KDM6A: variants seen among roughly 807,000 people sequenced by gnomAD.
KDM6A encodes the protein lysine-specific demethylase 6A.
Under a neutral mutation model 117.6 loss-of-function variants are expected in KDM6A, and 11 were observed. The ratio of observed to expected loss-of-function variants is 0.09; its 90% CI spans 0.06 to 0.15. KDM6A has a LOEUF of 0.15. Among genes scored for constraint, KDM6A ranks in the 10% least tolerant of loss-of-function variants. The pLI, the probability that KDM6A is intolerant of heterozygous loss-of-function variation, is 1.00. For synonymous variants in KDM6A, 384 were observed against 396.1 expected, an observed-to-expected ratio of 0.97 and a Z score of 0.36; for missense variants, 799 against 1,077.3, an observed-to-expected ratio of 0.74 and a Z score of 3.62.
At chrX:44,959,695 C>T (rs2038564037) in intron 2 of KDM6A, among the ~76,000 whole-genome samples, 1 of 111,216 alleles carries the variant, frequency 9.0e-6, no homozygotes, top group South Asian at 3.7e-4. Flanking sequence ...TATTATAAAG[C>T]ACTGTAATAA....
chrX:45,034,164 T>TA (rs2042717046), intron 6 of KDM6A, among the ~76,000 whole-genome samples: 1 of 111,680 alleles, frequency 9.0e-6, no homozygotes, highest in South Asian at 3.7e-4. Flanking sequence ...TTACTTATCT[T>TA]AATTTATATA....
chrX:44,996,767 AAG>A (rs759205727), intron 4 of KDM6A, among the ~76,000 whole-genome samples: 10 of 111,755 alleles, frequency 8.9e-5, no homozygotes, highest in Non-Finnish European at 1.7e-4. Context: ...ACTCAGCGGC[AAG>A]ACTTTCCTAA....
chrX:44,887,263 T>G (rs949726316), intron 2 of KDM6A, among the ~76,000 whole-genome samples: 1 of 111,392 alleles, frequency 9.0e-6, no homozygotes, highest in Admixed American at 9.7e-5. Context: ...AATTTGGTGA[T>G]AGAGCTAGGA....
intron 4 of KDM6A, among the ~76,000 whole-genome samples, chrX:44,983,323 C>G (rs140198247): frequency 1.8e-5 from 2 of 111,868 alleles, no homozygotes; most frequent in African/African-American, 6.5e-5. Flanking sequence ...TTCAGTTATA[C>G]AGTTTAGGCT....
chrX:45,057,399 T>C (rs1030510627), intron 10 of KDM6A, among the ~76,000 whole-genome samples: 44 of 111,512 alleles, frequency 3.9e-4, no homozygotes, highest in Non-Finnish European at 5.3e-4. Flanking sequence ...ATCTAATCAA[T>C]TAATCACAAA....
At chrX:44,940,265 G>T (rs1427595017) in intron 2 of KDM6A, among the ~76,000 whole-genome samples, 2 of 110,803 alleles carry the variant, frequency 1.8e-5, no homozygotes, top group Non-Finnish European at 3.8e-5. Context: ...TGTTGGCCAG[G>T]CTGGTCTTGA....
rs764419475 is a variant in KDM6A at position 45,062,634 on chromosome X, GTTC to G, written c.1582-5_1582-3del. ...ATATCTTTGACTATATTCTCTTTTT[GTTC>G]TTCTTCTAGCATTTGGAACAGCTCC... On this transcript the variant is annotated splice_polypyrimidine_tract_variant and intron_variant, in intron 15 of 29. Transcript: ENST00000611820. 8.8e-7 allele frequency: 1 copy of G among 1,135,719 alleles called. No individual in the cohort carries two copies. The highest frequency in any genetic ancestry group is 2.2e-5 in the Admixed American group (1 of 45,448). The allele number at this position is 1,135,719 out of a possible 1,213,427, so 93.6% of individuals were successfully genotyped here.
intron 5 of KDM6A, among the ~76,000 whole-genome samples, chrX:45,018,291 TAGAA>T (rs1300853152): frequency 1.8e-5 from 2 of 111,294 alleles, no homozygotes; most frequent in African/African-American, 3.3e-5. Flanking sequence ...GAGATAAACT[TAGAA>T]AGAACAACGA....
chrX:45,103,969 ATG>A (rs1488709285), intron 27 of KDM6A, among the ~76,000 whole-genome samples: 1 of 110,693 alleles, frequency 9.0e-6, no homozygotes, highest in Admixed American at 9.6e-5. Flanking sequence ...TCCATCTTCT[ATG>A]TGTTTACACC....
chrX:45,050,127 G>T (rs921801369), intron 8 of KDM6A, among the ~76,000 whole-genome samples: 5 of 112,973 alleles, frequency 4.4e-5, no homozygotes, highest in African/African-American at 1.6e-4. Flanking sequence ...ATCACCTGAG[G>T]TTGGGAATTC....
At chrX:44,901,499 G>A (rs1412703341) in intron 2 of KDM6A, among the ~76,000 whole-genome samples, 1 of 111,265 alleles carries the variant, frequency 9.0e-6, no homozygotes, top group Non-Finnish European at 1.9e-5. Context: ...ATTAAGTCTT[G>A]TTTTGTAGAG....
intron 2 of KDM6A, among the ~76,000 whole-genome samples, chrX:44,895,840 G>C (rs2033802776): frequency 9.9e-6 from 1 of 101,019 alleles, no homozygotes; most frequent in African/African-American, 3.9e-5. Flanking sequence ...TCATTCATCT[G>C]CTTTTTTTTT....
At chrX:44,980,427 G>A (rs990990437) in intron 4 of KDM6A, among the ~76,000 whole-genome samples, 1 of 110,909 alleles carries the variant, frequency 9.0e-6, no homozygotes, top group Non-Finnish European at 1.9e-5. Context: ...CATGTGCTAA[G>A]TTAGGAAGAA....
Position 45,059,099 on chromosome X carries a change from A to C in KDM6A, c.969A>C (p.Ser323=), listed in dbSNP as rs779263870. The change falls in exon 11 of 30, where the codon TCA becomes TCC. Residue 323 remains serine, a synonymous_variant. Transcript: ENST00000611820. Reference sequence around the variant, plus strand: ...AAGCAAGTGCAGATACATGGTGTTCAATAGGGTAAGCCTTTGTATAAAAAT... The same window carrying C: ...AAGCAAGTGCAGATACATGGTGTTCCATAGGGTAAGCCTTTGTATAAAAAT... ...KSEASADTWC[S]IGVLYQQQNQ... 1.7e-6 allele frequency: 2 copies of C among 1,205,870 alleles called. No individual in the cohort carries two copies. The highest frequency in any genetic ancestry group is 1.1e-6 in the Non-Finnish European group (1 of 890,551).
chrX:45,041,422 C>T (rs1176455725), intron 8 of KDM6A, among the ~76,000 whole-genome samples: 1 of 98,280 alleles, frequency 1.0e-5, no homozygotes, highest in African/African-American at 4.1e-5. Flanking sequence ...GCTGGCCGGG[C>T]GGGGACTGAC....
chrX:45,111,769 T>C lies in KDM6A; in HGVS notation c.*358T>C. 5.0e-6 allele frequency: 1 copy of C among 200,472 alleles called. No individual in the cohort carries two copies. The highest frequency in any genetic ancestry group is 9.2e-6 in the Non-Finnish European group (1 of 108,402). The allele number at this position is 200,472 out of a possible 1,213,427, so 16.5% of individuals were successfully genotyped here. ...TCTGTCTTTTCCCCCTTCAGAATTT[T>C]CCTTGGAAAAAAAATACTAGCCTAG... On this transcript the variant is annotated 3_prime_UTR_variant, in exon 30 of 30. Coordinates refer to ENST00000611820, the MANE Select transcript of KDM6A (RefSeq NM_001291415.2).
chrX:45,061,654 G>A (rs1381283477), intron 15 of KDM6A, among the ~76,000 whole-genome samples: 1 of 107,865 alleles, frequency 9.3e-6, no homozygotes, highest in Non-Finnish European at 1.9e-5. Flanking sequence ...ATCACACCCC[G>A]CTAATTTTTA....
At chrX:45,007,594 C>G (rs761047836) in intron 4 of KDM6A, among the ~76,000 whole-genome samples, 9 of 111,362 alleles carry the variant, frequency 8.1e-5, no homozygotes, top group Non-Finnish European at 1.7e-4. Flanking sequence ...TTTGAAGTCC[C>G]CTTGTACTGG....
At chrX:44,887,095 T>A (rs2032958588) in intron 2 of KDM6A, among the ~76,000 whole-genome samples, 1 of 108,908 alleles carries the variant, frequency 9.2e-6, no homozygotes, top group South Asian at 4.0e-4. Flanking sequence ...GTTTTTGTAT[T>A]TTTTGGTAGA....
Sources: allele counts gnomAD v4.1 joint callset (sites outside exome capture counted in the v4.1 genomes callset), GRCh38; gene constraint gnomAD v4.1.1; transcripts MANE v1.5; gene names NCBI Gene and HGNC (gene_info 2026-07-23, HGNC 2026-07-21).